PCNT: variants seen among roughly 807,000 people sequenced by gnomAD.
PCNT encodes the protein kendrin.
A neutral mutation model predicts 380.4 loss-of-function variants in PCNT; 319 were observed. The ratio of observed to expected loss-of-function variants is 0.84; its 90% CI spans 0.77 to 0.92. The LOEUF (loss-of-function observed/expected upper bound fraction) is 0.92. Among genes scored for constraint, PCNT ranks in the 40% least tolerant of loss-of-function variants. The pLI is 0.00. For missense variants in PCNT, 4,400 were observed against 4,255.3 expected, an observed-to-expected ratio of 1.03 and a Z score of -0.95; for synonymous variants, 1,845 against 1,735.2, an observed-to-expected ratio of 1.06 and a Z score of -1.57.
chr21:46,378,919 G>C (rs1221642814), intron 15 of PCNT, among the ~76,000 whole-genome samples: 1 of 152,072 alleles, frequency 6.6e-6, no homozygotes, highest in African/African-American at 2.4e-5. Context: ...TTTTAAACCA[G>C]GAGGAAGAAG....
intron 16 of PCNT, among the ~76,000 whole-genome samples, chr21:46,383,867 G>A (rs2085703567): frequency 6.9e-6 from 1 of 145,534 alleles, no homozygotes; most frequent in Admixed American, 6.9e-5. Flanking sequence ...TTCAGTGACG[G>A]AAGCGCATTC....
chr21:46,397,238 C>T, intron 21 of PCNT, 27 bp from the exon 22 acceptor site: 1 of 1,580,206 alleles, frequency 6.3e-7, no homozygotes, highest in South Asian at 1.1e-5. Flanking sequence ...GGGGGTGTCC[C>T]CGTGTCTGTC....
intron 25 of PCNT, 73 bp from the exon 26 acceptor site, chr21:46,401,478 C>A: frequency 1.6e-6 from 2 of 1,230,184 alleles, no homozygotes; most frequent in Non-Finnish European, 2.4e-6. Flanking sequence ...ATGGTCTGTG[C>A]TTTAACAGGC....
chr21:46,404,235 A>G (rs964431174), intron 27 of PCNT, among the ~76,000 whole-genome samples: 1 of 152,304 alleles, frequency 6.6e-6, no homozygotes, highest in African/African-American at 2.4e-5. Flanking sequence ...TCAAAAAACA[A>G]CAACAATAAC....
At chr21:46,362,461 C>G (rs973979853) in intron 13 of PCNT, among the ~76,000 whole-genome samples, 3 of 152,160 alleles carry the variant, frequency 2.0e-5, no homozygotes, top group African/African-American at 4.8e-5. Context: ...CTGTTCAGTT[C>G]ATAGTGGTTG....
Position 46,430,641 on chromosome 21 carries a change from G to C in PCNT, c.8048G>C (p.Ser2683Thr). Residue 2683 changes from serine (S) to threonine (T), a missense_variant, in exon 37 of 47, where the codon AGT becomes ACT. Ser to Thr is a moderately conservative substitution (Grantham distance 58, BLOSUM62 1). Transcript: ENST00000359568. Reference protein sequence around the residue: ...QLRHLQRESQSAKALEELRAS... With the variant: ...QLRHLQRESQTAKALEELRAS... The stretch of plus-strand genomic sequence containing the variant: ...CGGCACCTGCAGAGGGAGAGCCAGA[G>C]TGCCAAGGCCCTGGAGGTAACAGGG... The C allele has an allele frequency of 6.4e-7, 1 of 1,571,058 alleles. No individual in the cohort carries two copies. The highest frequency in any genetic ancestry group is 1.9e-5 in the Admixed American group (1 of 53,924).
intron 15 of PCNT, among the ~76,000 whole-genome samples, chr21:46,373,158 C>G (rs1441832718): frequency 6.6e-6 from 1 of 152,026 alleles, no homozygotes; most frequent in Non-Finnish European, 1.5e-5. Flanking sequence ...GTAGCTGGGA[C>G]TACAGATGTG....
chr21:46,445,437 G>C lies in PCNT; in HGVS notation c.*110G>C. On this transcript the variant is annotated 3_prime_UTR_variant, in exon 47 of 47. Transcript: ENST00000359568. The stretch of plus-strand genomic sequence containing the variant: ...AGCATGGGCACTACTCTTCATGTGC[G>C]GTGACACCAGCCCCCAGATGCCTTG... 2.3e-6 allele frequency: 2 copies of C among 851,712 alleles called. No homozygotes were observed. The highest frequency in any genetic ancestry group is 4.1e-6 in the Non-Finnish European group (2 of 485,272). The allele number at this position is 851,712 out of a possible 1,614,324, so 52.8% of individuals were successfully genotyped here.
intron 4 of PCNT, 123 bp downstream of exon 4, chr21:46,346,331 C>A: frequency 1.2e-6 from 1 of 829,394 alleles, no homozygotes; most frequent in Non-Finnish European, 2.0e-6. Flanking sequence ...TGTCTGTTTC[C>A]ACGTTCTGTG....
At chr21:46,433,825 G>A (rs1161174993) in intron 38 of PCNT, among the ~76,000 whole-genome samples, 1 of 152,096 alleles carries the variant, frequency 6.6e-6, no homozygotes, top group Non-Finnish European at 1.5e-5. Context: ...AAGCTGGAGT[G>A]CAATGGCACG....
At chr21:46,421,615 G>T (rs369279540) in intron 31 of PCNT, among the ~76,000 whole-genome samples, 1 of 152,192 alleles carries the variant, frequency 6.6e-6, no homozygotes, top group Non-Finnish European at 1.5e-5. Context: ...TGCAGGCCCC[G>T]CACGTCCCGC....
At chr21:46,399,278 T>TCCC (rs10645542) in intron 24 of PCNT, among the ~76,000 whole-genome samples, 12 of 31,574 alleles carry the variant, frequency 3.8e-4, no homozygotes, top group African/African-American at 1.3e-3. Context: ...GGTCTGGGTC[T>TCCC]CTGTTCAGCC....
chr21:46,387,846 G>A (rs1249429053), intron 17 of PCNT, among the ~76,000 whole-genome samples: 1 of 152,124 alleles, frequency 6.6e-6, no homozygotes, highest in Non-Finnish European at 1.5e-5. Context: ...CGGCGTCACA[G>A]CTCCTAAATC....
intron 37 of PCNT, 44 bp downstream of exon 37, chr21:46,430,701 A>T: frequency 6.4e-7 from 1 of 1,553,864 alleles, no homozygotes; most frequent in South Asian, 1.2e-5. Flanking sequence ...GGCTGTGTGC[A>T]CTGGAAGCCT....
chr21:46,357,013 A>G lies in PCNT; in HGVS notation c.1976A>G (p.Asp659Gly). Residue 659 changes from aspartate to glycine, a missense_variant, in exon 13 of 47, where the codon GAC becomes GGC. Coordinates refer to ENST00000359568, the MANE Select transcript of PCNT (RefSeq NM_006031.6). ...CATCTCCAGGGTGTGCAGGACGGGG[A>G]CTTGGAGGCCGACACAGAGCGGGCA... is the stretch of plus-strand genomic sequence containing the variant. ...WVHLQGVQDG[D>G]LEADTERAAR... The G allele has an allele frequency of 1.2e-6, 2 of 1,614,134 alleles. No individual in the cohort carries two copies. The highest frequency in any genetic ancestry group is 1.7e-6 in the Non-Finnish European group (2 of 1,180,028).
chr21:46,324,585 G>A (rs1257258100), intron 1 of PCNT, among the ~76,000 whole-genome samples: 1 of 150,144 alleles, frequency 6.7e-6, no homozygotes, highest in Non-Finnish European at 1.5e-5. Context: ...GGCGCGGGCT[G>A]GGCGCGGTGC....
intron 29 of PCNT, among the ~76,000 whole-genome samples, chr21:46,414,068 T>G (rs908058013): frequency 1.3e-5 from 2 of 151,646 alleles, no homozygotes; most frequent in African/African-American, 4.8e-5. Context: ...CTCAGCTCAC[T>G]GCAACCTCTG....
chr21:46,386,257 C>G (rs2085830775), intron 17 of PCNT, among the ~76,000 whole-genome samples: 1 of 152,216 alleles, frequency 6.6e-6, no homozygotes, highest in Non-Finnish European at 1.5e-5. Context: ...AGATTAAAAC[C>G]AGCCGTTATC....
Position 46,388,893 on chromosome 21 carries a change from G to A in PCNT, c.3607+9G>A. 6.3e-7 allele frequency: 1 copy of A among 1,590,252 alleles called. No individual in the cohort carries two copies. ...CCTGGCCCTGTCGACAGGTGAGTGT[G>A]CCGGGACCAGCTGCCCAGCCCTGTG... On this transcript the variant is annotated intron_variant, in intron 18 of 46. Transcript: ENST00000359568. This position sits in a 1 kb window ranked among gnomAD's most constrained non-coding sequence, Gnocchi z 4.2.
Sources: allele counts gnomAD v4.1 joint callset (sites outside exome capture counted in the v4.1 genomes callset), GRCh38; gene constraint gnomAD v4.1.1; non-coding constraint Gnocchi (gnomAD v3.1); transcripts MANE v1.5; gene names NCBI Gene and HGNC (gene_info 2026-07-23, HGNC 2026-07-21).